The following ARHGAP42 variants were observed in gnomAD, a reference collection of about 807,000 sequenced individuals.
The protein encoded by ARHGAP42 is Rho GTPase activating protein 42.
Under a neutral mutation model 125.0 loss-of-function variants are expected in ARHGAP42, and 63 were observed. The observed-to-expected ratio is 0.50, with a 90% CI of 0.41 to 0.62. ARHGAP42 has a LOEUF of 0.62. Among genes scored for constraint, ARHGAP42 ranks in the 20% least tolerant of loss-of-function variants. The pLI is 0.00. For missense variants in ARHGAP42, 766 were observed against 1,024.2 expected (o/e 0.75, Z 3.44); for synonymous variants, 339 against 351.0 (o/e 0.97, Z 0.38).
intron 1 of ARHGAP42, among the ~76,000 whole-genome samples, chr11:100,748,726 A>AT (rs1428161599): frequency 6.6e-6 from 1 of 152,180 alleles, no homozygotes; most frequent in Non-Finnish European, 1.5e-5. Context: ...TGGGTTAAGG[A>AT]TTTTTGATTA....
rs535293721 is a variant in ARHGAP42, at chr11:100,748,096, T to C, written c.155-22247T>C. On this transcript the variant is annotated intron_variant, in intron 1 of 23. Transcript: ENST00000298815. ...GATTAGAAGTTAGGATAATACATGT[T>C]ACACTGTTAACTTTTAGCAAACTTT... is the stretch of plus-strand genomic sequence containing the variant. Among the ~76,000 whole-genome samples the C allele has an allele frequency of 1.3e-4, 20 of 152,328 alleles. No homozygotes were observed. The East Asian group carries it at 3.3e-3, about 25-fold the overall frequency.
intron 3 of ARHGAP42, among the ~76,000 whole-genome samples, chr11:100,814,361 C>CAA (rs11351569): frequency 9.1e-6 from 1 of 109,856 alleles, no homozygotes; most frequent in Non-Finnish European, 1.9e-5. Context: ...GACTCCGTCT[C>CAA]AAAAAAAAAA....
chr11:100,927,028 A>G (rs928182408), intron 6 of ARHGAP42, among the ~76,000 whole-genome samples: 3 of 152,228 alleles, frequency 2.0e-5, no homozygotes, highest in Admixed American at 6.5e-5. Flanking sequence ...AAGCTAAAAT[A>G]TAGTGCTTTT....
At chr11:100,796,598 T>G (rs1048712056) in intron 3 of ARHGAP42, among the ~76,000 whole-genome samples, 2 of 152,084 alleles carry the variant, frequency 1.3e-5, no homozygotes, top group African/African-American at 4.8e-5. Context: ...CAAAGGAAAG[T>G]TCTTGGAGGA....
At chr11:100,904,493 C>G (rs146117355) in intron 4 of ARHGAP42, among the ~76,000 whole-genome samples, 1 of 151,278 alleles carries the variant, frequency 6.6e-6, no homozygotes, top group African/African-American at 2.5e-5. Flanking sequence ...ATGATCCACC[C>G]GCCTCGGCCT....
intron 3 of ARHGAP42, among the ~76,000 whole-genome samples, chr11:100,841,582 A>T (rs1864947954): frequency 6.6e-6 from 1 of 152,170 alleles, no homozygotes; most frequent in African/African-American, 2.4e-5. Flanking sequence ...TCTAAATTTC[A>T]TACCATGGTT....
chr11:100,965,649 T>G, intron 16 of ARHGAP42, 22 bp from the exon 17 acceptor site: 1 of 1,538,132 alleles, frequency 6.5e-7, no homozygotes, highest in Non-Finnish European at 8.8e-7. Context: ...CTTGAGCATT[T>G]GCAATCTTTT....
At chr11:100,974,075 G>A (rs996296743) in intron 18 of ARHGAP42, among the ~76,000 whole-genome samples, 3 of 152,166 alleles carry the variant, frequency 2.0e-5, no homozygotes, top group South Asian at 2.1e-4. Flanking sequence ...CAACAGCATG[G>A]CAGCATCTTC....
intron 2 of ARHGAP42, among the ~76,000 whole-genome samples, chr11:100,791,114 A>T (rs562948957): frequency 2.7e-4 from 41 of 152,262 alleles, no homozygotes; most frequent in Admixed American, 9.8e-4. Flanking sequence ...GGTGTAGAAT[A>T]GACTCCACAG....
intron 12 of ARHGAP42, among the ~76,000 whole-genome samples, chr11:100,959,640 A>G (rs190097530): frequency 8.8e-4 from 134 of 152,268 alleles, no homozygotes; most frequent in Non-Finnish European, 1.4e-3. Flanking sequence ...GGAAAAGTGG[A>G]TGAGATCATT....
intron 1 of ARHGAP42, among the ~76,000 whole-genome samples, chr11:100,709,156 C>T (rs192657632): frequency 5.9e-5 from 9 of 152,298 alleles, no homozygotes; most frequent in Non-Finnish European, 2.9e-5. Context: ...TCTCCTGCCT[C>T]AGCCTCCTGA....
chr11:100,780,652 G>T (rs1031246082), intron 2 of ARHGAP42, among the ~76,000 whole-genome samples: 1 of 152,186 alleles, frequency 6.6e-6, no homozygotes, highest in Non-Finnish European at 1.5e-5. Context: ...GTCAGAAACC[G>T]GCTTTGTAGC....
At chr11:100,967,588 A>G (rs117758671) in intron 17 of ARHGAP42, among the ~76,000 whole-genome samples, 2,391 of 152,330 alleles carry the variant, frequency 0.016, 23 homozygotes, top group Middle Eastern at 0.037. Flanking sequence ...ATGTGAAACT[A>G]AACAAAACTC....
At chr11:100,824,126 C>T (rs558325974) in intron 3 of ARHGAP42, among the ~76,000 whole-genome samples, 5 of 152,114 alleles carry the variant, frequency 3.3e-5, no homozygotes, top group African/African-American at 7.2e-5. Flanking sequence ...TCTGAATGCA[C>T]TTGCATATCC....
intron 1 of ARHGAP42, among the ~76,000 whole-genome samples, chr11:100,755,822 T>A (rs1340877246): frequency 6.6e-6 from 1 of 152,048 alleles, no homozygotes; most frequent in Non-Finnish European, 1.5e-5. Context: ...ACAAGATAGG[T>A]TTTTCATGGT....
At chr11:100,961,213 C>A (rs543548533) in intron 14 of ARHGAP42, among the ~76,000 whole-genome samples, 13 of 152,122 alleles carry the variant, frequency 8.5e-5, no homozygotes, top group African/African-American at 3.1e-4. Flanking sequence ...CTTTGGTAAG[C>A]TAGAGATACA....
chr11:100,992,010 C>G lies in ARHGAP42; in HGVS notation c.*3209C>G, dbSNP rs1858842469. On this transcript the variant is annotated 3_prime_UTR_variant, in exon 24 of 24. Transcript: ENST00000298815. Reference sequence around the variant, plus strand: ...AAAATTCACTATGTTGTGAGGCAAACAGATTTCTCACTATCATCCAGTGTA... The same window carrying G: ...AAAATTCACTATGTTGTGAGGCAAAGAGATTTCTCACTATCATCCAGTGTA... The G allele has an allele frequency of 3.3e-6, 1 of 305,632 alleles. No individual in the cohort carries two copies. The highest frequency in any genetic ancestry group is 5.7e-5 in the East Asian group (1 of 17,602). 18.9% of individuals were successfully genotyped at this position (305,632 alleles called of 1,614,324 possible).
chr11:100,871,100 C>G (rs962051386), intron 4 of ARHGAP42, among the ~76,000 whole-genome samples: 1 of 152,068 alleles, frequency 6.6e-6, no homozygotes, highest in African/African-American at 2.4e-5. Flanking sequence ...CACCAACATT[C>G]TATATGTATT....
At chr11:100,704,709 A>C (rs954724123) in intron 1 of ARHGAP42, among the ~76,000 whole-genome samples, 25 of 152,120 alleles carry the variant, frequency 1.6e-4, no homozygotes, top group African/African-American at 5.8e-4. Context: ...CTGTAATCCC[A>C]GCACTTTGGG....
Sources: allele counts gnomAD v4.1 joint callset (sites outside exome capture counted in the v4.1 genomes callset), GRCh38; gene constraint gnomAD v4.1.1; transcripts MANE v1.5; gene names NCBI Gene and HGNC (gene_info 2026-07-23, HGNC 2026-07-21).